AGAP1: variants seen among roughly 807,000 people sequenced by gnomAD.
AGAP1 encodes arf-GAP with GTPase, ANK repeat and PH domain-containing protein 1.
In AGAP1, 29 loss-of-function variants were observed where a neutral mutation model predicts 105.3. That is an observed-to-expected ratio of 0.28 (90% CI 0.21 to 0.38). AGAP1 has a LOEUF of 0.38. AGAP1 is among the 10% of genes least tolerant of loss of function. The pLI is 1.00. For synonymous variants in AGAP1, 509 were observed against 485.9 expected (o/e 1.05, Z -0.63); for missense variants, 998 against 1,165.1 (o/e 0.86, Z 2.09).
chr2:235,825,632 T>A (rs1163931813), intron 9 of AGAP1, among the ~76,000 whole-genome samples: 3 of 152,194 alleles, frequency 2.0e-5, no homozygotes, highest in East Asian at 3.8e-4. Flanking sequence ...AAAGTCTTCA[T>A]TAAAAAGCTT....
chr2:235,748,499 C>G (rs566122033), intron 5 of AGAP1, among the ~76,000 whole-genome samples: 1 of 152,110 alleles, frequency 6.6e-6, no homozygotes, highest in Non-Finnish European at 1.5e-5. Context: ...GAAGGCAGGA[C>G]GAGGTGCCCT....
rs2054165148 is a variant in AGAP1 at position 235,961,096 on chromosome 2, G to A, written c.1484-7366G>A. On this transcript the variant is annotated intron_variant, in intron 12 of 17. Transcript: ENST00000304032. The surrounding 1 kb of genome is among the most constrained non-coding windows in gnomAD (Gnocchi z 5.9). ...AAGGATGTGTGCTGGTGAAGAGGAT[G>A]AGCGAAGGCCTGCCTTCCTGAAGCT... 6.6e-6 allele frequency among the ~76,000 whole-genome samples: 1 copy of A among 152,066 alleles called. No individual in the cohort carries two copies. The highest frequency in any genetic ancestry group is 6.6e-5 in the Admixed American group (1 of 15,262).
chr2:235,566,254 G>A lies in AGAP1; in HGVS notation c.163+71405G>A, dbSNP rs778560376. Among the ~76,000 whole-genome samples, 3 of 152,078 alleles carry A rather than the reference G, an allele frequency of 2.0e-5. No homozygotes were observed. Among genetic ancestry groups the A allele is most frequent in the African/African-American group, 4.8e-5 (2 of 41,404 alleles). On this transcript the variant is annotated intron_variant, in intron 1 of 17. Coordinates refer to ENST00000304032, the MANE Select transcript of AGAP1 (RefSeq NM_001037131.3). The surrounding 1 kb of genome is among the most constrained non-coding windows in gnomAD (Gnocchi z 5.2). Reference sequence around the variant, plus strand: ...TTACAGGCATGCGCCACCACGCCTGGCTAATTTTGTATTTTTAGTACAGAC... The same window carrying A: ...TTACAGGCATGCGCCACCACGCCTGACTAATTTTGTATTTTTAGTACAGAC...
intron 16 of AGAP1, among the ~76,000 whole-genome samples, chr2:236,091,195 T>TGC (rs2059051192): frequency 6.6e-6 from 1 of 152,232 alleles, no homozygotes; most frequent in Non-Finnish European, 1.5e-5. Context: ...GAGTCATCTA[T>TGC]GCCTGTCTCT....
rs950250744 is a variant in AGAP1 at position 235,964,448 on chromosome 2, C to T, written c.1484-4014C>T. Reference sequence around the variant, plus strand: ...TACCTGGCAAAGTGGGCTCCTAACACTGAATAGAGAGGATGGGATGGTAAA... The same window carrying T: ...TACCTGGCAAAGTGGGCTCCTAACATTGAATAGAGAGGATGGGATGGTAAA... On this transcript the variant is annotated intron_variant, in intron 12 of 17. Transcript: ENST00000304032. The surrounding 1 kb of genome is among the most constrained non-coding windows in gnomAD (Gnocchi z 4.6). Among the ~76,000 whole-genome samples, 1 of 151,980 alleles carries T rather than the reference C, an allele frequency of 6.6e-6. No homozygotes were observed. Among genetic ancestry groups the T allele is most frequent in the Non-Finnish European group, 1.5e-5 (1 of 68,010 alleles).
rs186712492 is a variant in AGAP1, at chr2:235,677,555, T to C, written c.164-31624T>C. ...TTAGGTCCAAGATTTCACGTGACGT[T>C]GTGTGCCGGGTGTTGTGGTCAACAC... On this transcript the variant is annotated intron_variant, in intron 1 of 17. Transcript: ENST00000304032. 1.1e-3 allele frequency among the ~76,000 whole-genome samples: 165 copies of C among 152,220 alleles called. 2 individuals carry two copies. The highest frequency in any genetic ancestry group is 3.8e-3 in the African/African-American group (156 of 41,550).
chr2:236,065,895 G>A (rs150983611), intron 16 of AGAP1, among the ~76,000 whole-genome samples: 40 of 152,310 alleles, frequency 2.6e-4, no homozygotes, highest in African/African-American at 9.4e-4. Flanking sequence ...ATCATTAAAC[G>A]TGACAAGTCA....
chr2:235,786,121 A>G (rs1956620026), intron 6 of AGAP1, among the ~76,000 whole-genome samples: 1 of 152,180 alleles, frequency 6.6e-6, no homozygotes, highest in African/African-American at 2.4e-5. Context: ...TTCTTTGTTT[A>G]AGTCATTTAT....
intron 13 of AGAP1, among the ~76,000 whole-genome samples, chr2:236,032,788 G>A (rs997224875): frequency 3.3e-5 from 5 of 152,102 alleles, no homozygotes; most frequent in African/African-American, 7.2e-5. Flanking sequence ...ATCCAGGTCC[G>A]CAAGAAGGTA....
intron 1 of AGAP1, among the ~76,000 whole-genome samples, chr2:235,652,819 G>T (rs897332676): frequency 6.6e-6 from 1 of 151,734 alleles, no homozygotes; most frequent in Non-Finnish European, 1.5e-5. Context: ...TTGATCAGGG[G>T]CAGGGAGCAG....
At chr2:235,785,511 C>T (rs903411372) in intron 6 of AGAP1, among the ~76,000 whole-genome samples, 10 of 152,144 alleles carry the variant, frequency 6.6e-5, no homozygotes, top group African/African-American at 2.2e-4. Context: ...TCTCCTGTTC[C>T]TCATTTATCT....
intron 9 of AGAP1, among the ~76,000 whole-genome samples, chr2:235,854,274 A>G (rs2048594052): frequency 2.6e-5 from 4 of 152,158 alleles, no homozygotes; most frequent in Admixed American, 2.6e-4. Flanking sequence ...TCACATGGAG[A>G]AAGAATATTG....
rs1454485349 is a variant in AGAP1 at position 236,114,735 on chromosome 2, T to G, written c.2115-5457T>G. On this transcript the variant is annotated intron_variant, in intron 16 of 17. Transcript: ENST00000304032. This position sits in a 1 kb window ranked among gnomAD's most constrained non-coding sequence, Gnocchi z 5.0. ...TCTATCTTTATAGCATCATTTAACC[T>G]TAATTCTCTTCCTGAAGACCCCATC... is the stretch of plus-strand genomic sequence containing the variant. 6.6e-6 allele frequency among the ~76,000 whole-genome samples: 1 copy of G among 152,218 alleles called. No individual in the cohort carries two copies. Among genetic ancestry groups the G allele is most frequent in the African/African-American group, 2.4e-5 (1 of 41,452 alleles).
At chr2:235,683,458 A>G (rs1181385815) in intron 1 of AGAP1, among the ~76,000 whole-genome samples, 3 of 150,932 alleles carry the variant, frequency 2.0e-5, no homozygotes, top group African/African-American at 7.3e-5. Context: ...ATTTATAAAT[A>G]TTATACAATA....
chr2:235,578,847 C>T lies in AGAP1; in HGVS notation c.163+83998C>T, dbSNP rs1189973863. Among the ~76,000 whole-genome samples, 2 of 151,250 alleles carry T rather than the reference C, an allele frequency of 1.3e-5. No homozygotes were observed. Among genetic ancestry groups the T allele is most frequent in the Non-Finnish European group, 2.9e-5 (2 of 67,828 alleles). Reference sequence around the variant, plus strand: ...TTTAAATAAACATTTGTGTATAGCCCAATAGTTTTTCACTGTTGAGGGTCA... The same window carrying T: ...TTTAAATAAACATTTGTGTATAGCCTAATAGTTTTTCACTGTTGAGGGTCA... On this transcript the variant is annotated intron_variant, in intron 1 of 17. Transcript: ENST00000304032. This position sits in a 1 kb window ranked among gnomAD's most constrained non-coding sequence, Gnocchi z 4.9.
intron 1 of AGAP1, among the ~76,000 whole-genome samples, chr2:235,512,163 T>C (rs1397610590): frequency 6.6e-6 from 1 of 152,234 alleles, no homozygotes; most frequent in Non-Finnish European, 1.5e-5. Flanking sequence ...ACTCACTTCT[T>C]GATCTGTTGC....
rs1303443518 is a variant in AGAP1, at chr2:236,083,899, G to A, written c.2114+34618G>A. ...CATGTGCGTGTGTATGCACACACACGTGCACACATACACACACAGGCACAC... is the reference window on the plus strand; with the variant it reads ...CATGTGCGTGTGTATGCACACACACATGCACACATACACACACAGGCACAC... On this transcript the variant is annotated intron_variant, in intron 16 of 17. Coordinates refer to ENST00000304032, the MANE Select transcript of AGAP1 (RefSeq NM_001037131.3). This position sits in a 1 kb window ranked among gnomAD's most constrained non-coding sequence, Gnocchi z 5.3. Among the ~76,000 whole-genome samples the A allele has an allele frequency of 1.3e-5, 2 of 152,112 alleles. No individual in the cohort carries two copies. Among genetic ancestry groups the A allele is most frequent in the African/African-American group, 2.4e-5 (1 of 41,418 alleles).
At chr2:235,710,677 G>A (rs1414629624) in intron 2 of AGAP1, among the ~76,000 whole-genome samples, 1 of 152,244 alleles carries the variant, frequency 6.6e-6, no homozygotes, top group Non-Finnish European at 1.5e-5. Flanking sequence ...CTGGCAGGGT[G>A]TCTTAAGCCT....
intron 12 of AGAP1, among the ~76,000 whole-genome samples, chr2:235,944,273 C>G (rs1006168533): frequency 6.6e-6 from 1 of 152,202 alleles, no homozygotes; most frequent in African/African-American, 2.4e-5. Flanking sequence ...CACACATGAT[C>G]ATTCCATCTG....
Sources: allele counts gnomAD v4.1 joint callset (sites outside exome capture counted in the v4.1 genomes callset), GRCh38; gene constraint gnomAD v4.1.1; non-coding constraint Gnocchi (gnomAD v3.1); transcripts MANE v1.5; gene names NCBI Gene and HGNC (gene_info 2026-07-23, HGNC 2026-07-21).